The following SMAD3 variants were observed in gnomAD, a reference collection of about 807,000 sequenced individuals.
SMAD3 encodes the protein SMAD family member 3.
Under a neutral mutation model 51.8 loss-of-function variants are expected in SMAD3, and 12 were observed. The ratio of observed to expected loss-of-function variants is 0.23; its 90% CI spans 0.15 to 0.38. The LOEUF (loss-of-function observed/expected upper bound fraction) is 0.38. Ranked by LOEUF, SMAD3 falls within the 10% of genes least tolerant of loss-of-function variation. SMAD3 has a pLI of 1.00. For missense variants in SMAD3, 294 were observed against 565.6 expected, an observed-to-expected ratio of 0.52 and a Z score of 4.87; for synonymous variants, 238 against 227.7, an observed-to-expected ratio of 1.05 and a Z score of -0.41.
intron 1 of SMAD3, chr15:67,098,879 A>T (rs1960682532): frequency 1.4e-6 from 1 of 701,764 alleles, no homozygotes; most frequent in Non-Finnish European, 2.6e-6. Context: ...CATGGATGGG[A>T]GGGTGGACTC....
At chr15:67,133,836 A>G (rs1374342648) in intron 1 of SMAD3, among the ~76,000 whole-genome samples, 3 of 152,132 alleles carry the variant, frequency 2.0e-5, no homozygotes, top group Non-Finnish European at 2.9e-5. Flanking sequence ...GAATGAGGCA[A>G]CTGAGAGATT....
At chr15:67,085,905 C>T (rs993369494) in intron 1 of SMAD3, among the ~76,000 whole-genome samples, 2 of 142,932 alleles carry the variant, frequency 1.4e-5, no homozygotes, top group Non-Finnish European at 3.1e-5. Flanking sequence ...CACACATACA[C>T]AGAGAACAGC....
At chr15:67,138,480 G>T (rs558217305) in intron 1 of SMAD3, 1 of 184,430 alleles carries the variant, frequency 5.4e-6, no homozygotes, top group South Asian at 1.3e-4. Context: ...GTACTGAGCG[G>T]TTCCCTGGGA....
At chr15:67,113,536 T>A (rs1961070804) in intron 1 of SMAD3, among the ~76,000 whole-genome samples, 1 of 152,102 alleles carries the variant, frequency 6.6e-6, no homozygotes, top group South Asian at 2.1e-4. Context: ...TAAGATGACA[T>A]AAGAGTTAAT....
chr15:67,074,811 T>A (rs902037279), intron 1 of SMAD3, among the ~76,000 whole-genome samples: 2 of 152,222 alleles, frequency 1.3e-5, no homozygotes, highest in African/African-American at 4.8e-5. Context: ...TGCCTCAGCC[T>A]CCCATGTAGC....
At chr15:67,187,716 C>G (rs544936320) in intron 8 of SMAD3, among the ~76,000 whole-genome samples, 1 of 152,342 alleles carries the variant, frequency 6.6e-6, no homozygotes, top group Non-Finnish European at 1.5e-5. Flanking sequence ...TGTTTGCTGG[C>G]ACCGAACAGC....
intron 1 of SMAD3, among the ~76,000 whole-genome samples, chr15:67,107,199 T>C (rs2140230212): frequency 6.6e-6 from 1 of 151,898 alleles, no homozygotes; most frequent in East Asian, 1.9e-4. Flanking sequence ...AACTGAAGAT[T>C]TTAGTGTAGT....
intron 1 of SMAD3, among the ~76,000 whole-genome samples, chr15:67,102,636 G>A (rs936093471): frequency 2.6e-5 from 4 of 152,062 alleles, no homozygotes; most frequent in African/African-American, 9.7e-5. Context: ...TCCAATGTAT[G>A]ATGGGGAATT....
At position 67,193,992 on chromosome 15, in the gene SMAD3, C is replaced by T; in HGVS notation, c.*3456C>T. On this transcript the variant is annotated 3_prime_UTR_variant, in exon 9 of 9. Transcript: ENST00000327367. ...CACAGGGCCGGAGCTCAGGTTACAC[C>T]ACTCCTTCGTCCTTACAGGAGATGT... The T allele has an allele frequency of 4.3e-6, 1 of 233,270 alleles. No individual in the cohort carries two copies. Among genetic ancestry groups the T allele is most frequent in the Non-Finnish European group, 8.5e-6 (1 of 117,954 alleles). The allele number at this position is 233,270 out of a possible 1,614,324, so 14.5% of individuals were successfully genotyped here. A position where few individuals can be genotyped will look rare whatever the true frequency, so the allele number is the denominator to read the frequency against.
At chr15:67,170,280 T>G (rs1021616089) in intron 4 of SMAD3, among the ~76,000 whole-genome samples, 1 of 152,200 alleles carries the variant, frequency 6.6e-6, no homozygotes, top group African/African-American at 2.4e-5. Context: ...GAGTCTTGGT[T>G]AGGATCATAA....
At chr15:67,176,347 G>C (rs1215523560) in intron 5 of SMAD3, among the ~76,000 whole-genome samples, 1 of 152,148 alleles carries the variant, frequency 6.6e-6, no homozygotes, top group Non-Finnish European at 1.5e-5. Context: ...GAGAAGTGGT[G>C]GATGAGGAAC....
chr15:67,122,113 A>G (rs756329880), intron 1 of SMAD3, among the ~76,000 whole-genome samples: 7 of 152,246 alleles, frequency 4.6e-5, no homozygotes, highest in African/African-American at 9.6e-5. Flanking sequence ...GCACTGGTCT[A>G]AGGTCCGGAC....
intron 1 of SMAD3, among the ~76,000 whole-genome samples, chr15:67,125,492 C>T (rs1961363005): frequency 6.6e-6 from 1 of 152,214 alleles, no homozygotes; most frequent in Admixed American, 6.5e-5. Context: ...CTCAGGACCA[C>T]TCTTGTAGCC....
chr15:67,109,744 C>T (rs911480566), intron 1 of SMAD3, among the ~76,000 whole-genome samples: 19 of 152,306 alleles, frequency 1.2e-4, no homozygotes, highest in Admixed American at 8.5e-4. Flanking sequence ...CACATGACCC[C>T]GCGTGCTGCC....
At chr15:67,119,215 G>A (rs1018995545) in intron 1 of SMAD3, among the ~76,000 whole-genome samples, 4 of 152,216 alleles carry the variant, frequency 2.6e-5, no homozygotes, top group African/African-American at 9.6e-5. Context: ...AGACCCTGCA[G>A]CAAGAGGAAA....
rs926753535 is a variant in SMAD3, at chr15:67,184,965, A to G, written c.1009+101A>G. The G allele has an allele frequency of 1.2e-4, 168 of 1,445,832 alleles. No homozygotes were observed. The African/African-American group carries it at 1.2e-3, about 11-fold the overall frequency. The allele number at this position is 1,445,832 out of a possible 1,614,324, so 89.6% of individuals were successfully genotyped here. A position where few individuals can be genotyped will look rare whatever the true frequency, so the allele number is the denominator to read the frequency against. On this transcript the variant is annotated intron_variant, in intron 7 of 8. Coordinates refer to ENST00000327367, the MANE Select transcript of SMAD3 (RefSeq NM_005902.4). ...CCTTTCTCACCTTTTCTGCTCACTC[A>G]TGATTGCGTTGTCAATCTGGAGGTG...
intron 1 of SMAD3, among the ~76,000 whole-genome samples, chr15:67,083,657 A>G (rs1002111522): frequency 1.3e-5 from 2 of 152,168 alleles, no homozygotes; most frequent in Non-Finnish European, 2.9e-5. Context: ...ATGTGGGGAT[A>G]TCTTCCAGAT....
intron 6 of SMAD3, among the ~76,000 whole-genome samples, chr15:67,182,287 G>T (rs1171142220): frequency 6.6e-6 from 1 of 152,198 alleles, no homozygotes. Context: ...ATAAGTAAAA[G>T]ATGACTTTGT....
chr15:67,093,742 G>A (rs1289188068), intron 1 of SMAD3, among the ~76,000 whole-genome samples: 1 of 152,232 alleles, frequency 6.6e-6, no homozygotes, highest in Non-Finnish European at 1.5e-5. Context: ...TGGCATGCGA[G>A]GTAGCACTGG....
Sources: gnomAD v4.1 joint callset for allele counts (sites outside exome capture counted in the v4.1 genomes callset) on GRCh38, gnomAD v4.1.1 for gene constraint, MANE v1.5 for transcripts, NCBI Gene and HGNC (gene_info 2026-07-23, HGNC 2026-07-21) for gene names.